CARF: variants seen among roughly 807,000 people sequenced by gnomAD.
CARF encodes calcium-responsive transcription factor.
Under a neutral mutation model 82.0 loss-of-function variants are expected in CARF, and 57 were observed. The observed-to-expected ratio is 0.70, with a 90% CI of 0.56 to 0.87. The LOEUF (loss-of-function observed/expected upper bound fraction) is 0.87, where lower values mean the gene tolerates loss of function less well. CARF is among the 40% of genes least tolerant of loss of function. CARF has a pLI of 0.00. For synonymous variants in CARF, 268 were observed against 290.1 expected (o/e 0.92, Z 0.77); for missense variants, 771 against 855.8 (o/e 0.90, Z 1.24).
chr2:202,914,520 C>T (rs1355087523), intron 1 of CARF, among the ~76,000 whole-genome samples: 1 of 151,924 alleles, frequency 6.6e-6, no homozygotes, highest in East Asian at 1.9e-4. Context: ...CAAAGAGCAG[C>T]CTAATCCCAG....
At chr2:202,936,450 T>G (rs1313595995) in intron 3 of CARF, among the ~76,000 whole-genome samples, 7 of 152,220 alleles carry the variant, frequency 4.6e-5, no homozygotes, top group Non-Finnish European at 7.4e-5. Flanking sequence ...CTCAAGCCTC[T>G]GGCATCCACC....
chr2:202,970,595 G>T (rs1215477194), intron 11 of CARF, among the ~76,000 whole-genome samples: 1 of 151,808 alleles, frequency 6.6e-6, no homozygotes. Flanking sequence ...ATTTGTTATT[G>T]TATAATGGAT....
chr2:202,926,277 C>T (rs995142761), intron 3 of CARF, among the ~76,000 whole-genome samples: 6 of 152,112 alleles, frequency 3.9e-5, no homozygotes, highest in African/African-American at 7.2e-5. Context: ...TTTTCATGCT[C>T]GCAACTGAAA....
intron 12 of CARF, 76 bp downstream of exon 12, chr2:202,971,814 GAT>G (rs1451703072): frequency 2.9e-6 from 3 of 1,034,804 alleles, no homozygotes; most frequent in Non-Finnish European, 4.3e-6. Context: ...GAACATTGGA[GAT>G]ATTTTCCAAA....
intron 12 of CARF, 148 bp from the exon 13 acceptor site, chr2:202,974,186 A>G: frequency 1.8e-6 from 1 of 541,896 alleles, no homozygotes; most frequent in Non-Finnish European, 3.1e-6. Flanking sequence ...TGTATGGAAA[A>G]AGTTTAAATA....
chr2:202,963,525 C>T (rs1319628467), intron 9 of CARF, among the ~76,000 whole-genome samples: 2 of 152,130 alleles, frequency 1.3e-5, no homozygotes, highest in East Asian at 1.9e-4. Context: ...AGTTTTTCCA[C>T]GGACCAGGAT....
At chr2:202,946,251 C>CTTTTTT (rs1361518734) in intron 5 of CARF, among the ~76,000 whole-genome samples, 1 of 152,160 alleles carries the variant, frequency 6.6e-6, no homozygotes, top group African/African-American at 2.4e-5. Context: ...TCAAACTATA[C>CTTTTTT]TACAAGGCTA....
intron 3 of CARF, among the ~76,000 whole-genome samples, chr2:202,933,866 CTTT>C (rs377730464): frequency 1.9e-5 from 1 of 53,614 alleles, no homozygotes; most frequent in Admixed American, 2.1e-4. Context: ...TCTTTCCTTT[CTTT>C]TCTTTTCTTT....
intron 13 of CARF, among the ~76,000 whole-genome samples, chr2:202,976,255 A>G (rs928112483): frequency 6.7e-6 from 1 of 149,608 alleles, no homozygotes; most frequent in African/African-American, 2.5e-5. Context: ...GCTCAGTGCA[A>G]CCTCCATCTC....
intron 3 of CARF, among the ~76,000 whole-genome samples, chr2:202,932,491 G>T (rs1036987948): frequency 1.3e-5 from 2 of 152,012 alleles, no homozygotes; most frequent in Non-Finnish European, 2.9e-5. Context: ...AACGGAGGGG[G>T]TACCCTGGAG....
At chr2:202,919,834 T>C (rs550431372) in intron 2 of CARF, among the ~76,000 whole-genome samples, 3 of 152,318 alleles carry the variant, frequency 2.0e-5, no homozygotes, top group South Asian at 2.1e-4. Flanking sequence ...CTCAGCATAT[T>C]TGTAATCTTG....
chr2:202,933,572 T>C (rs891888838), intron 3 of CARF, among the ~76,000 whole-genome samples: 1 of 152,110 alleles, frequency 6.6e-6, no homozygotes, highest in Admixed American at 6.6e-5. Flanking sequence ...CTCTTCCCAG[T>C]TGGGGGATTG....
intron 9 of CARF, among the ~76,000 whole-genome samples, chr2:202,965,489 A>G (rs149815176): frequency 7.4e-4 from 112 of 151,974 alleles, no homozygotes; most frequent in Non-Finnish European, 1.4e-3. Context: ...TTCATTTACT[A>G]CCTTTTTTTT....
At chr2:202,944,781 A>T (rs1265439706) in intron 5 of CARF, among the ~76,000 whole-genome samples, 2 of 126,064 alleles carry the variant, frequency 1.6e-5, no homozygotes, top group African/African-American at 2.8e-5. Context: ...CAGAACATTT[A>T]GAAAGTTTGT....
chr2:202,946,112 T>A (rs1203961638), intron 5 of CARF, among the ~76,000 whole-genome samples: 1 of 152,196 alleles, frequency 6.6e-6, no homozygotes, highest in Admixed American at 6.5e-5. Flanking sequence ...GTATGTCTTC[T>A]TTTTGAAAAG....
Position 202,986,516 on chromosome 2 carries a change from C to T in CARF, c.*2892C>T, listed in dbSNP as rs1329200304. ...GCTTGTTTATTCATTATAGTTTCCA[C>T]ATTTCCAACTTCCAAGTGAACTTTA... On this transcript the variant is annotated 3_prime_UTR_variant, in exon 17 of 17. Transcript: ENST00000438828. 1 of 151,990 alleles carries T rather than the reference C, an allele frequency of 6.6e-6. No individual in the cohort carries two copies. The highest frequency in any genetic ancestry group is 1.9e-4 in the East Asian group (1 of 5,186). The allele number at this position is 151,990 out of a possible 1,614,324, so 9.4% of individuals were successfully genotyped here. A position where few individuals can be genotyped will look rare whatever the true frequency, so the allele number is the denominator to read the frequency against.
rs762845678 is a variant in CARF, at chr2:202,971,512, G to C, written c.1105G>C (p.Val369Leu). ...AATATTTTCTCTTACCAGGTGGTAT[G>C]TACAGTTACCTACACAGCAAGCTCA... ...VDAGGVLRWY[V>L]QLPTQQAHQY... Residue 369 changes from valine (V) to leucine (L), a missense_variant, in exon 12 of 17, where the codon GTA (valine) becomes CTA (leucine). Coordinates refer to ENST00000438828, the MANE Select transcript of CARF (RefSeq NM_024744.17). The C allele has an allele frequency of 3.2e-5, 52 of 1,604,382 alleles. No individual in the cohort carries two copies. The highest frequency in any genetic ancestry group is 4.4e-5 in the Non-Finnish European group (52 of 1,172,056).
intron 2 of CARF, among the ~76,000 whole-genome samples, chr2:202,924,038 C>T (rs542264137): frequency 3.9e-5 from 6 of 152,218 alleles, no homozygotes; most frequent in African/African-American, 1.4e-4. Flanking sequence ...ATGACTAATG[C>T]TGATCAGCAT....
intron 5 of CARF, among the ~76,000 whole-genome samples, chr2:202,945,680 T>C (rs1272504105): frequency 6.6e-6 from 1 of 152,224 alleles, no homozygotes; most frequent in Non-Finnish European, 1.5e-5. Flanking sequence ...CCGTGGTGTA[T>C]ATGTACCACA....
Sources: gnomAD v4.1 joint callset for allele counts (sites outside exome capture counted in the v4.1 genomes callset) on GRCh38, gnomAD v4.1.1 for gene constraint, MANE v1.5 for transcripts, NCBI Gene and HGNC (gene_info 2026-07-23, HGNC 2026-07-21) for gene names.